The following ANO6 variants were observed in gnomAD, a reference collection of about 807,000 sequenced individuals.
ANO6 encodes anoctamin 6.
Under a neutral mutation model 117.5 loss-of-function variants are expected in ANO6, and 106 were observed. The observed-to-expected ratio is 0.90, with a 90% CI of 0.77 to 1.06. The LOEUF (loss-of-function observed/expected upper bound fraction) is 1.06. Ranked by LOEUF, ANO6 falls within the 50% of genes least tolerant of loss-of-function variation. The pLI is 0.00. For synonymous variants in ANO6, 367 were observed against 385.1 expected (o/e 0.95, Z 0.55); for missense variants, 955 against 1,121.1 (o/e 0.85, Z 2.12).
intron 1 of ANO6, among the ~76,000 whole-genome samples, chr12:45,222,050 T>G (rs1220513518): frequency 4.6e-5 from 7 of 151,466 alleles, no homozygotes; most frequent in Admixed American, 4.6e-4. Flanking sequence ...CCCAGCTATT[T>G]TTTTTGTATT....
intron 1 of ANO6, among the ~76,000 whole-genome samples, chr12:45,296,783 C>T (rs1195403122): frequency 6.6e-6 from 1 of 152,070 alleles, no homozygotes; most frequent in East Asian, 1.9e-4. Flanking sequence ...CAGCCAATAA[C>T]CTTAATTATT....
At chr12:45,394,809 G>A (rs1041777504) in intron 12 of ANO6, among the ~76,000 whole-genome samples, 10 of 152,104 alleles carry the variant, frequency 6.6e-5, no homozygotes, top group South Asian at 2.1e-4. Context: ...GAACAAAGAC[G>A]CAACATGCCA....
At chr12:45,327,257 A>G (rs925316495) in intron 2 of ANO6, among the ~76,000 whole-genome samples, 9 of 152,322 alleles carry the variant, frequency 5.9e-5, no homozygotes, top group Non-Finnish European at 1.2e-4. Flanking sequence ...AACAAAATAC[A>G]TATTTTGACT....
At chr12:45,343,791 C>A (rs1440997276) in intron 3 of ANO6, among the ~76,000 whole-genome samples, 2 of 152,130 alleles carry the variant, frequency 1.3e-5, no homozygotes, top group African/African-American at 4.8e-5. Context: ...GGGCTGCTGC[C>A]AGCACCGCTG....
At chr12:45,423,126 T>C (rs1309538491) in intron 19 of ANO6, 64 bp downstream of exon 19, 5 of 1,181,512 alleles carry the variant, frequency 4.2e-6, no homozygotes, top group Non-Finnish European at 6.4e-6. Flanking sequence ...CCATTAAGTG[T>C]TGCCAACTCC....
chr12:45,359,031 G>GC (rs1207361871), intron 8 of ANO6, among the ~76,000 whole-genome samples: 2 of 152,116 alleles, frequency 1.3e-5, no homozygotes, highest in Non-Finnish European at 2.9e-5. Context: ...TGATCCGCCC[G>GC]CCTCGGCCTC....
intron 1 of ANO6, among the ~76,000 whole-genome samples, chr12:45,290,744 TAA>T (rs1218824021): frequency 2.0e-5 from 3 of 152,238 alleles, no homozygotes; most frequent in African/African-American, 7.2e-5. Flanking sequence ...TCTAAGTTTT[TAA>T]AAGTCTGTTT....
rs144650618 is a variant in ANO6 at position 45,276,480 on chromosome 12, G to GT, written c.71-25528dup. ...CTTTCTGCTTCAGAACTATGGTCTTGTTTTTTCTTTTTCCTTGCATGCTCT... is the reference window on the plus strand; with the variant it reads ...CTTTCTGCTTCAGAACTATGGTCTTGTTTTTTTCTTTTTCCTTGCATGCTCT... On this transcript the variant is annotated intron_variant, in intron 1 of 19. Coordinates refer to ENST00000320560, the MANE Select transcript of ANO6 (RefSeq NM_001025356.3). 9.2e-4 allele frequency among the ~76,000 whole-genome samples: 140 copies of GT among 151,964 alleles called. 4 individuals are homozygous for GT. In the East Asian group the frequency reaches 0.027, roughly 29 times the overall value.
chr12:45,399,781 C>G (rs955558338), intron 12 of ANO6, among the ~76,000 whole-genome samples: 2 of 152,144 alleles, frequency 1.3e-5, no homozygotes, highest in African/African-American at 4.8e-5. Context: ...CAGACCCAGG[C>G]TAGCAAAAGC....
At position 45,252,786 on chromosome 12, in the gene ANO6, G is replaced by A. The variant is rs1009019098; in HGVS notation, c.70+36395G>A. On this transcript the variant is annotated intron_variant, in intron 1 of 19. Coordinates refer to ENST00000320560, the MANE Select transcript of ANO6 (RefSeq NM_001025356.3). Reference sequence around the variant, plus strand: ...TAATTTTTGTATTTCATTTCTTTACGTTTTGTATATAATGGTTTTGGTCAT... The same window carrying A: ...TAATTTTTGTATTTCATTTCTTTACATTTTGTATATAATGGTTTTGGTCAT... 5.3e-5 allele frequency among the ~76,000 whole-genome samples: 8 copies of A among 152,242 alleles called. No individual in the cohort carries two copies. In the South Asian group the frequency reaches 1.0e-3, roughly 20 times the overall value.
At chr12:45,239,445 G>C (rs1947702318) in intron 1 of ANO6, among the ~76,000 whole-genome samples, 1 of 151,548 alleles carries the variant, frequency 6.6e-6, no homozygotes, top group Non-Finnish European at 1.5e-5. Context: ...TTCTTGATTA[G>C]TCTTGCTAGC....
intron 2 of ANO6, among the ~76,000 whole-genome samples, chr12:45,311,359 A>C (rs1169302581): frequency 6.6e-6 from 1 of 152,114 alleles, no homozygotes; most frequent in East Asian, 1.9e-4. Flanking sequence ...GTGTGAATTG[A>C]GCATGTGATA....
chr12:45,293,616 A>C (rs971443129), intron 1 of ANO6, among the ~76,000 whole-genome samples: 5 of 151,520 alleles, frequency 3.3e-5, no homozygotes, highest in African/African-American at 1.2e-4. Context: ...GCTGGAGTGC[A>C]GTGGCATGAT....
intron 19 of ANO6, among the ~76,000 whole-genome samples, chr12:45,423,299 TACTA>T (rs1943413820): frequency 6.6e-6 from 1 of 152,328 alleles, no homozygotes; most frequent in South Asian, 2.1e-4. Flanking sequence ...TTTCATTCAT[TACTA>T]ACTTTTTAAA....
rs1008981309 is a variant in ANO6 at position 45,266,291 on chromosome 12, T to C, written c.71-35723T>C. On this transcript the variant is annotated intron_variant, in intron 1 of 19. Coordinates refer to ENST00000320560, the MANE Select transcript of ANO6 (RefSeq NM_001025356.3). ...TATGTCATTGATCTCTAAACTCCAG[T>C]TTTTAAAAATATTCATAAATTTGTA... is the stretch of plus-strand genomic sequence containing the variant. Among the ~76,000 whole-genome samples, 8 of 152,276 alleles carry C rather than the reference T, an allele frequency of 5.3e-5. No homozygotes were observed. In the South Asian group the frequency reaches 8.3e-4, roughly 16 times the overall value.
At chr12:45,223,237 C>G (rs890970845) in intron 1 of ANO6, among the ~76,000 whole-genome samples, 10 of 152,066 alleles carry the variant, frequency 6.6e-5, no homozygotes, top group African/African-American at 2.4e-4. Flanking sequence ...GTAAAATGAC[C>G]CGGGGCTTGT....
At chr12:45,297,990 C>G (rs1000718480) in intron 1 of ANO6, among the ~76,000 whole-genome samples, 3 of 152,140 alleles carry the variant, frequency 2.0e-5, no homozygotes, top group Admixed American at 2.0e-4. Flanking sequence ...TTCCCTAGGG[C>G]CTTACCACAC....
chr12:45,275,973 G>A (rs1192440130), intron 1 of ANO6, among the ~76,000 whole-genome samples: 6 of 152,024 alleles, frequency 3.9e-5, no homozygotes, highest in East Asian at 1.9e-4. Context: ...TCTAGACGCC[G>A]TACCCTCCTC....
chr12:45,334,555 T>A (rs528785051), intron 3 of ANO6, among the ~76,000 whole-genome samples: 2 of 152,150 alleles, frequency 1.3e-5, no homozygotes, highest in African/African-American at 4.8e-5. Flanking sequence ...CTTTGCAGAT[T>A]TCCTTTCACA....
Sources: allele counts gnomAD v4.1 joint callset (sites outside exome capture counted in the v4.1 genomes callset), GRCh38; gene constraint gnomAD v4.1.1; transcripts MANE v1.5; gene names NCBI Gene and HGNC (gene_info 2026-07-23, HGNC 2026-07-21).